Variants in MAGT1 observed in about 807,000 individuals in gnomAD.
MAGT1 encodes dolichyl-diphosphooligosaccharide--protein glycosyltransferase subunit MAGT1.
Under a neutral mutation model 28.4 loss-of-function variants are expected in MAGT1, and 4 were observed. That is an observed-to-expected ratio of 0.14 (90% CI 0.07 to 0.32). MAGT1 has a LOEUF of 0.32. Among genes scored for constraint, MAGT1 ranks in the 10% least tolerant of loss-of-function variants. The pLI, the probability that MAGT1 is intolerant of heterozygous loss-of-function variation, is 1.00. For synonymous variants in MAGT1, 89 were observed against 89.7 expected, an observed-to-expected ratio of 0.99 and a Z score of 0.04; for missense variants, 193 against 264.5, an observed-to-expected ratio of 0.73 and a Z score of 1.88.
intron 1 of MAGT1, among the ~76,000 whole-genome samples, chrX:77,885,075 AAAAG>A (rs1569548291): frequency 1.9e-5 from 2 of 107,551 alleles, no homozygotes; most frequent in African/African-American, 6.7e-5. Flanking sequence ...AAAAAAAAAA[AAAAG>A]AGAGAGACAG....
In MAGT1 at chrX:77,856,870, T is replaced by C; in HGVS notation, c.535A>G (p.Arg179Gly). The change falls in exon 5 of 10, where the codon AGA becomes GGA. Residue 179 changes from arginine to glycine, a missense_variant. By Grantham distance (125) the Arg-to-Gly change is moderately radical (BLOSUM62 -2). Coordinates refer to ENST00000618282, the MANE Select transcript of MAGT1 (RefSeq NM_001367916.1). Reference protein sequence around the residue: ...WIADRTDVNIRVIRPPNYAGP... With the variant: ...WIADRTDVNIGVIRPPNYAGP... ...GCATAATTTGGGGGTCTAATCACTC[T>C]AATCTAATGGAAAGGAGAGAAAAAC... The C allele has an allele frequency of 3.3e-6, 4 of 1,203,131 alleles. No individual in the cohort carries two copies. Among genetic ancestry groups the C allele is most frequent in the Non-Finnish European group, 4.5e-6 (4 of 889,231 alleles).
At chrX:77,861,491 G>C (rs924678656) in intron 3 of MAGT1, among the ~76,000 whole-genome samples, 3 of 111,746 alleles carry the variant, frequency 2.7e-5, no homozygotes, top group Non-Finnish European at 5.6e-5. Flanking sequence ...CAGCATGGAG[G>C]TTCCCCCAAA....
intron 7 of MAGT1, among the ~76,000 whole-genome samples, chrX:77,843,559 T>C (rs2076941593): frequency 8.9e-6 from 1 of 111,892 alleles, no homozygotes; most frequent in South Asian, 3.7e-4. Flanking sequence ...CTTTCTTCAA[T>C]AGCCTCTTGT....
intron 1 of MAGT1, among the ~76,000 whole-genome samples, chrX:77,893,311 G>A (rs1053484327): frequency 8.9e-6 from 1 of 111,890 alleles, no homozygotes; most frequent in Non-Finnish European, 1.9e-5. Flanking sequence ...GGTGGGGTAA[G>A]AGAAAAGGAA....
At chrX:77,831,658 TCACAG>T (rs1466488811) in intron 8 of MAGT1, among the ~76,000 whole-genome samples, 1 of 107,226 alleles carries the variant, frequency 9.3e-6, no homozygotes, top group Admixed American at 1.0e-4. Flanking sequence ...AGTGGCACAA[TCACAG>T]CTCACTGCAG....
chrX:77,881,315 G>T (rs1291005103), intron 1 of MAGT1, among the ~76,000 whole-genome samples: 1 of 109,961 alleles, frequency 9.1e-6, no homozygotes, highest in African/African-American at 3.3e-5. Flanking sequence ...TGTGCACAAT[G>T]TGCAGGTTTG....
intron 8 of MAGT1, among the ~76,000 whole-genome samples, chrX:77,834,209 CAT>C (rs1491280703): frequency 3.2e-5 from 3 of 93,368 alleles, no homozygotes; most frequent in South Asian, 4.6e-4. Flanking sequence ...CATATATATA[CAT>C]GTGTGTATAT....
intron 8 of MAGT1, among the ~76,000 whole-genome samples, chrX:77,839,090 T>A (rs889852785): frequency 4.6e-5 from 5 of 108,635 alleles, no homozygotes; most frequent in Non-Finnish European, 7.6e-5. Context: ...GATCACGACG[T>A]CAGGAGATCA....
intron 8 of MAGT1, among the ~76,000 whole-genome samples, chrX:77,834,698 T>C (rs2076911435): frequency 9.1e-6 from 1 of 110,030 alleles, no homozygotes; most frequent in African/African-American, 3.3e-5. Flanking sequence ...TCCAGGACAT[T>C]AGTCTGGGCA....
At chrX:77,846,733 G>A (rs1482738202) in intron 7 of MAGT1, among the ~76,000 whole-genome samples, 1 of 111,943 alleles carries the variant, frequency 8.9e-6, no homozygotes, top group African/African-American at 3.2e-5. Flanking sequence ...CAACAGTGGA[G>A]GTTGCAGAAC....
At chrX:77,863,854 T>C (rs1264331087) in intron 3 of MAGT1, among the ~76,000 whole-genome samples, 1 of 110,852 alleles carries the variant, frequency 9.0e-6, no homozygotes, top group Non-Finnish European at 1.9e-5. Context: ...AAACCCCATC[T>C]CTACTAAAAA....
At chrX:77,893,980 G>A (rs2077091609) in intron 1 of MAGT1, among the ~76,000 whole-genome samples, 2 of 111,491 alleles carry the variant, frequency 1.8e-5, no homozygotes, top group African/African-American at 3.3e-5. Flanking sequence ...ACGTGAAAAC[G>A]TTCCCCTCAT....
intron 7 of MAGT1, among the ~76,000 whole-genome samples, chrX:77,846,264 G>A (rs1557214914): frequency 8.9e-6 from 1 of 111,898 alleles, no homozygotes; most frequent in Non-Finnish European, 1.9e-5. Context: ...TAGCTCTCGT[G>A]CCGTGGTTTT....
chrX:77,854,021 C>T, intron 6 of MAGT1, 57 bp from the exon 7 acceptor site: 1 of 902,542 alleles, frequency 1.1e-6, no homozygotes, highest in Admixed American at 2.2e-5. Context: ...TGTTGGTATG[C>T]TAACCCTAAA....
intron 7 of MAGT1, among the ~76,000 whole-genome samples, chrX:77,847,539 T>C (rs1557215119): frequency 9.0e-6 from 1 of 111,593 alleles, no homozygotes; most frequent in Non-Finnish European, 1.9e-5. Flanking sequence ...CTGGGAGCTG[T>C]AGACTGGAGC....
chrX:77,832,725 C>T (rs1451880567), intron 8 of MAGT1, among the ~76,000 whole-genome samples: 1 of 101,704 alleles, frequency 9.8e-6, no homozygotes, highest in African/African-American at 3.6e-5. Flanking sequence ...CCCAGCTACT[C>T]GGGAGGCTGA....
At chrX:77,840,328 C>A (rs1223966860) in intron 8 of MAGT1, among the ~76,000 whole-genome samples, 1 of 106,833 alleles carries the variant, frequency 9.4e-6, no homozygotes, top group Non-Finnish European at 1.9e-5. Flanking sequence ...CCCAGCTACT[C>A]AGGAGGCTGA....
At chrX:77,830,963 CTTTCT>C (rs2076896037) in intron 8 of MAGT1, 68 bp from the exon 9 acceptor site, 21 of 362,489 alleles carry the variant, frequency 5.8e-5, no homozygotes, top group Admixed American at 1.6e-4. Flanking sequence ...GCAGTCTATA[CTTTCT>C]TTTTTTATTT....
At chrX:77,854,521 T>C (rs968001730) in intron 6 of MAGT1, among the ~76,000 whole-genome samples, 15 of 110,869 alleles carry the variant, frequency 1.4e-4, no homozygotes, top group African/African-American at 4.9e-4. Context: ...CTTTTCTTTT[T>C]TGTTTTTCAT....
Sources: allele counts gnomAD v4.1 joint callset (sites outside exome capture counted in the v4.1 genomes callset), GRCh38; gene constraint gnomAD v4.1.1; transcripts MANE v1.5; gene names NCBI Gene and HGNC (gene_info 2026-07-23, HGNC 2026-07-21).